Variants in SKP2 observed in about 807,000 individuals in gnomAD.
The protein encoded by SKP2 is S-phase kinase-associated protein 2.
SKP2 carries 16 observed loss-of-function variants against 51.8 expected under a neutral mutation model. That is an observed-to-expected ratio of 0.31 (90% CI 0.21 to 0.47). The LOEUF (loss-of-function observed/expected upper bound fraction) is 0.47, where lower values mean the gene tolerates loss of function less well. SKP2 is among the 20% of genes least tolerant of loss of function. The pLI is 1.00. For missense variants in SKP2, 377 were observed against 505.3 expected (o/e 0.75, Z 2.43); for synonymous variants, 176 against 198.6 (o/e 0.89, Z 0.96).
intron 2 of SKP2, among the ~76,000 whole-genome samples, chr5:36,158,146 G>A (rs1174999990): frequency 6.6e-6 from 1 of 152,176 alleles, no homozygotes; most frequent in Non-Finnish European, 1.5e-5. Context: ...GAGACCTTGG[G>A]CTCAGTAATT....
At chr5:36,172,851 T>C (rs901303101) in intron 7 of SKP2, among the ~76,000 whole-genome samples, 6 of 151,958 alleles carry the variant, frequency 3.9e-5, no homozygotes, top group African/African-American at 9.7e-5. Context: ...GTGAACACTT[T>C]CTTTAGCAAG....
intron 2 of SKP2, among the ~76,000 whole-genome samples, chr5:36,159,729 T>C (rs186441743): frequency 6.6e-6 from 1 of 152,330 alleles, no homozygotes; most frequent in African/African-American, 2.4e-5. Flanking sequence ...CTACTCCAGG[T>C]TGGCTTTCTT....
Position 36,182,024 on chromosome 5 carries a change from G to C in SKP2, c.1268G>C (p.Cys423Ser), listed in dbSNP as rs773373355. ...KCRLTLQKPS[C>S]L ...CGACTGACACTGCAAAAGCCCAGTT[G>C]TCTATGAAGTATTTATTGCAGGATG... is the stretch of plus-strand genomic sequence containing the variant. Residue 423 changes from cysteine to serine, a missense_variant, in exon 10 of 10, where the codon TGT (cysteine) becomes TCT (serine). By Grantham distance (112) the Cys-to-Ser change is moderately radical. Coordinates refer to ENST00000274255, the MANE Select transcript of SKP2 (RefSeq NM_005983.4). The C allele has an allele frequency of 6.2e-7, 1 of 1,614,032 alleles. No individual in the cohort carries two copies.
At chr5:36,184,713 C>G (rs1472698980), downstream of SKP2, among the ~76,000 whole-genome samples, 5 of 152,162 alleles carry the variant, frequency 3.3e-5, no homozygotes, top group East Asian at 7.7e-4. Context: ...AATAGTGTTG[C>G]AATAAACATA....
At position 36,168,293 on chromosome 5, in the gene SKP2, T is replaced by A. The variant is rs769529918; in HGVS notation, c.537-20T>A. On this transcript the variant is annotated intron_variant, in intron 4 of 9. Coordinates refer to ENST00000274255, the MANE Select transcript of SKP2 (RefSeq NM_005983.4). Reference sequence around the variant, plus strand: ...CCGTGAGAGCCACCTATGGAGCTCCTTTTTTCTCTCCGTGTTTAGCCCTTT... The same window carrying A: ...CCGTGAGAGCCACCTATGGAGCTCCATTTTTCTCTCCGTGTTTAGCCCTTT... The A allele has an allele frequency of 2.5e-6, 4 of 1,610,386 alleles. No individual in the cohort carries two copies. In the African/African-American group the frequency reaches 5.4e-5, roughly 22 times the overall value.
Position 36,183,343 on chromosome 5 carries a change from T to C in SKP2, c.*1312T>C, listed in dbSNP as rs1745873732. Reference sequence around the variant, plus strand: ...GTGCAGTGGTGCGATCTCGGCTCACTGCAAGCTCCGCCTCCCAGGTTCACG... The same window carrying C: ...GTGCAGTGGTGCGATCTCGGCTCACCGCAAGCTCCGCCTCCCAGGTTCACG... On this transcript the variant is annotated 3_prime_UTR_variant, in exon 10 of 10. Transcript: ENST00000274255. The C allele has an allele frequency of 1.3e-5, 4 of 315,884 alleles. No homozygotes were observed. In the South Asian group the frequency reaches 4.9e-4, roughly 39 times the overall value. The allele number at this position is 315,884 out of a possible 1,614,324, so 19.6% of individuals were successfully genotyped here.
intron 2 of SKP2, among the ~76,000 whole-genome samples, chr5:36,159,102 A>C (rs983533772): frequency 1.3e-5 from 2 of 152,220 alleles, no homozygotes; most frequent in African/African-American, 4.8e-5. Flanking sequence ...AAATCTGGGC[A>C]TGGGGCCTGT....
rs772934208 is a variant in SKP2, at chr5:36,170,405, G to A, written c.733G>A (p.Glu245Lys). 4.6e-5 allele frequency: 75 copies of A among 1,613,072 alleles called. No homozygotes were observed. In the South Asian group the frequency reaches 8.2e-4, roughly 18 times the overall value. Residue 245 changes from glutamate to lysine, a missense_variant, in exon 6 of 10, where the codon GAA (glutamate) becomes AAA (lysine). By Grantham distance (56) the Glu-to-Lys change is moderately conservative. Around this residue, in one of 2 missense-constraint regions of SKP2, gnomAD observed 262 missense variants for 389.8 expected, o/e 0.67. Coordinates refer to ENST00000274255, the MANE Select transcript of SKP2 (RefSeq NM_005983.4). Reference protein sequence around the residue: ...LNLSGCSGFSEFALQTLLSSC... With the variant: ...LNLSGCSGFSKFALQTLLSSC... ...CCTTTCTGGGTGTTCTGGATTCTCT[G>A]AATTTGCCCTGCAGACTTTGCTAAG...
intron 9 of SKP2, among the ~76,000 whole-genome samples, chr5:36,179,786 A>G (rs1425686476): frequency 6.6e-6 from 1 of 152,194 alleles, no homozygotes; most frequent in Non-Finnish European, 1.5e-5. Context: ...ATTAGAAATA[A>G]TGGCTCTTGA....
downstream of SKP2, among the ~76,000 whole-genome samples, chr5:36,187,029 G>A (rs549790071): frequency 3.5e-3 from 530 of 152,176 alleles, 2 homozygotes; most frequent in African/African-American, 0.012. Context: ...GTTTATTTGC[G>A]TAGAGGTGTT....
At chr5:36,176,001 T>C (rs961132291) in intron 7 of SKP2, among the ~76,000 whole-genome samples, 1 of 152,008 alleles carries the variant, frequency 6.6e-6, no homozygotes, top group African/African-American at 2.4e-5. Context: ...ATCAGTTCAC[T>C]ATCCAAAAAA....
downstream of SKP2, among the ~76,000 whole-genome samples, chr5:36,185,556 T>A (rs1260139114): frequency 6.6e-6 from 1 of 152,218 alleles, no homozygotes; most frequent in Admixed American, 6.5e-5. Context: ...AAAGATCAGA[T>A]GGTTGTACAT....
At chr5:36,175,882 C>G (rs1323959742) in intron 7 of SKP2, among the ~76,000 whole-genome samples, 1 of 151,740 alleles carries the variant, frequency 6.6e-6, no homozygotes, top group Non-Finnish European at 1.5e-5. Context: ...TATTCATACA[C>G]ATCTATATTT....
intron 2 of SKP2, among the ~76,000 whole-genome samples, chr5:36,158,925 C>G (rs1398114343): frequency 6.6e-6 from 1 of 152,150 alleles, no homozygotes; most frequent in Non-Finnish European, 1.5e-5. Context: ...CCTCCATATG[C>G]CAACAGTGCT....
At chr5:36,166,181 T>G (rs182680752) in intron 3 of SKP2, among the ~76,000 whole-genome samples, 2 of 152,354 alleles carry the variant, frequency 1.3e-5, no homozygotes, top group East Asian at 3.9e-4. Flanking sequence ...AATAATTAAT[T>G]GATTTGAGCA....
Position 36,182,305 on chromosome 5 carries a change from G to A in SKP2, c.*274G>A, listed in dbSNP as rs1745836872. ...CTATAATTTCAAGATACCTTAAAGA[G>A]CAAAATTTGAGCCACCTCTTCCAAG... On this transcript the variant is annotated 3_prime_UTR_variant, in exon 10 of 10. Coordinates refer to ENST00000274255, the MANE Select transcript of SKP2 (RefSeq NM_005983.4). 2 of 1,164,624 alleles carry A rather than the reference G, an allele frequency of 1.7e-6. No homozygotes were observed. Among genetic ancestry groups the A allele is most frequent in the Non-Finnish European group, 2.1e-6 (2 of 942,804 alleles). The allele number at this position is 1,164,624 out of a possible 1,614,324, so 72.1% of individuals were successfully genotyped here.
chr5:36,164,080 C>T (rs1163641498), intron 3 of SKP2, among the ~76,000 whole-genome samples: 5 of 152,250 alleles, frequency 3.3e-5, no homozygotes, highest in South Asian at 4.1e-4. Flanking sequence ...CGGTTCCTCA[C>T]GCCGCTGGGC....
At position 36,152,778 on chromosome 5, in the gene SKP2, C is replaced by A; in HGVS notation, c.16C>A (p.Leu6Ile). 1 of 1,613,434 alleles carries A rather than the reference C, an allele frequency of 6.2e-7. No homozygotes were observed. The highest frequency in any genetic ancestry group is 8.5e-7 in the Non-Finnish European group (1 of 1,179,976). Reference protein sequence around the residue: MHRKHLQEIPDLSSNV... With the variant: MHRKHIQEIPDLSSNV... ...TATTGTGCACTTCTGCAGGAAGCAC[C>A]TCCAGGAGATTCCAGACCTGAGTAG... Residue 6 changes from leucine to isoleucine, a missense_variant, in exon 2 of 10, where the codon CTC becomes ATC. Physicochemically the swap from Leu to Ile is conservative, Grantham distance 5. Around this residue, in one of 2 missense-constraint regions of SKP2, gnomAD observed 115 missense variants for 115.5 expected, o/e 1.00. Transcript: ENST00000274255.
At chr5:36,176,628 A>G (rs1255677267) in intron 7 of SKP2, among the ~76,000 whole-genome samples, 1 of 151,782 alleles carries the variant, frequency 6.6e-6, no homozygotes, top group Admixed American at 6.6e-5. Context: ...TACCTTTGTA[A>G]TATATTGTTT....
Sources: allele counts gnomAD v4.1 joint callset (sites outside exome capture counted in the v4.1 genomes callset), GRCh38; gene constraint gnomAD v4.1.1; regional missense constraint gnomAD v4.1.1; transcripts MANE v1.5; gene names NCBI Gene and HGNC (gene_info 2026-07-23, HGNC 2026-07-21).